Variants in DSTYK observed in about 807,000 individuals in gnomAD.
DSTYK encodes the protein RIP-homologous kinase.
Under a neutral mutation model 98.7 loss-of-function variants are expected in DSTYK, and 34 were observed. The ratio of observed to expected loss-of-function variants is 0.34; its 90% CI spans 0.26 to 0.46. DSTYK has a LOEUF of 0.46. Ranked by LOEUF, DSTYK falls within the 20% of genes least tolerant of loss-of-function variation. The probability of loss-of-function intolerance (pLI) is 1.00; values close to 1 mark genes in which losing one functional copy is unlikely to be tolerated. For missense variants in DSTYK, 962 were observed against 1,181.7 expected, an observed-to-expected ratio of 0.81 and a Z score of 2.73; for synonymous variants, 462 against 457.3, an observed-to-expected ratio of 1.01 and a Z score of -0.13.
At chr1:205,203,436 C>CATGCCACTGCACT in intron 1 of DSTYK, among the ~76,000 whole-genome samples, 1 of 143,720 alleles carries the variant, frequency 7.0e-6, no homozygotes, top group East Asian at 2.1e-4. Flanking sequence ...GAGCCAAGAT[C>CATGCCACTGCACT]CAGCCTGGGC....
intron 2 of DSTYK, among the ~76,000 whole-genome samples, chr1:205,186,768 T>A (rs561231610): frequency 6.6e-6 from 1 of 152,324 alleles, no homozygotes; most frequent in East Asian, 1.9e-4. Context: ...CAATATGATA[T>A]CTTACGAGAT....
At chr1:205,154,965 A>G (rs967106178) in intron 10 of DSTYK, among the ~76,000 whole-genome samples, 4 of 127,856 alleles carry the variant, frequency 3.1e-5, no homozygotes, top group African/African-American at 1.0e-4. Context: ...TATCTGGTGG[A>G]AGAAATTTAT....
intron 1 of DSTYK, among the ~76,000 whole-genome samples, chr1:205,190,282 T>C (rs1178164197): frequency 6.6e-6 from 1 of 151,928 alleles, no homozygotes; most frequent in Non-Finnish European, 1.5e-5. Flanking sequence ...TGATGAATAG[T>C]TTAAGAGCAA....
rs117133558 is a variant in DSTYK, at chr1:205,154,417, C to G, written c.2352+2856G>C. ...TGGGAGGTAAGGGGTTTTTCCCCCC[C>G]TTTTGATCGGCACTTCTCCTTGCTG... On this transcript the variant is annotated intron_variant, in intron 10 of 12. Coordinates refer to ENST00000367162, the MANE Select transcript of DSTYK (RefSeq NM_015375.3). 8.7e-4 allele frequency among the ~76,000 whole-genome samples: 132 copies of G among 152,258 alleles called. 2 individuals are homozygous for G. The East Asian group carries it at 0.017, about 19-fold the overall frequency.
Position 205,169,734 on chromosome 1 carries a change from T to G in DSTYK, c.753A>C (p.Ala251=). The part of the protein sequence containing the change: ...VNDFLPVITY[A]LHKDELSERD... The stretch of plus-strand genomic sequence containing the variant: ...TCTCAGAGAGTTCATCTTTGTGGAG[T>G]GCATAGGTTATCACAGGCAAGAAAT... Residue 251 remains alanine, a synonymous_variant, in exon 3 of 13, where the codon GCA becomes GCC. Coordinates refer to ENST00000367162, the MANE Select transcript of DSTYK (RefSeq NM_015375.3). The surrounding 1 kb of genome is among the most constrained non-coding windows in gnomAD (Gnocchi z 4.0). The G allele has an allele frequency of 6.2e-7, 1 of 1,614,122 alleles. No individual in the cohort carries two copies. Among genetic ancestry groups the G allele is most frequent in the African/African-American group, 1.3e-5 (1 of 75,016 alleles).
chr1:205,149,372 A>G (rs1275799800), intron 11 of DSTYK, among the ~76,000 whole-genome samples: 2 of 152,232 alleles, frequency 1.3e-5, no homozygotes, highest in East Asian at 3.9e-4. Context: ...ATTTAAATAT[A>G]TTGCTAATTT....
chr1:205,181,443 C>T (rs749348110), intron 2 of DSTYK, among the ~76,000 whole-genome samples: 1 of 152,150 alleles, frequency 6.6e-6, no homozygotes, highest in Non-Finnish European at 1.5e-5. Context: ...CAACCTCTGC[C>T]TCCCTGGTTC....
intron 1 of DSTYK, among the ~76,000 whole-genome samples, chr1:205,191,912 T>C (rs749754337): frequency 1.3e-5 from 2 of 152,196 alleles, no homozygotes; most frequent in East Asian, 1.9e-4. Context: ...GGTAACAGCA[T>C]GGCTTCTCAG....
At chr1:205,202,799 A>G (rs1195519687) in intron 1 of DSTYK, 1 of 567,716 alleles carries the variant, frequency 1.8e-6, no homozygotes, top group Admixed American at 2.8e-5. Flanking sequence ...GAAAGAAAAG[A>G]AAGTAAATAA....
At chr1:205,194,031 T>C (rs1658790646) in intron 1 of DSTYK, among the ~76,000 whole-genome samples, 1 of 152,200 alleles carries the variant, frequency 6.6e-6, no homozygotes, top group Non-Finnish European at 1.5e-5. Context: ...AGCCCAAGAA[T>C]AACCTGAGCA....
rs910564597 is a variant in DSTYK at position 205,148,344 on chromosome 1, T to C, written c.2468-5A>G. The C allele has an allele frequency of 1.2e-6, 2 of 1,613,464 alleles. No homozygotes were observed. The highest frequency in any genetic ancestry group is 3.3e-5 in the Admixed American group (2 of 60,024). On this transcript the variant is annotated splice_region_variant and splice_polypyrimidine_tract_variant and intron_variant, in intron 11 of 12. Coordinates refer to ENST00000367162, the MANE Select transcript of DSTYK (RefSeq NM_015375.3). ...CCACGGAATTATCGTACTTCCCTGA[T>C]GGCAAGAAAGGATGAAACGTAATGA...
chr1:205,203,547 AGGGG>A (rs1659108625), intron 1 of DSTYK, among the ~76,000 whole-genome samples: 1 of 1,980 alleles, frequency 5.1e-4, no homozygotes, highest in African/African-American at 1.2e-3. Flanking sequence ...ACGGTAGGGA[AGGGG>A]AGGGGAGGGG....
chr1:205,153,490 T>C (rs1657460664), intron 10 of DSTYK, among the ~76,000 whole-genome samples: 1 of 152,170 alleles, frequency 6.6e-6, no homozygotes, highest in Admixed American at 6.5e-5. Flanking sequence ...ATTTCCTGGA[T>C]TGGATCCTGT....
At position 205,142,835 on chromosome 1, in the gene DSTYK, G is replaced by T. The variant is rs1657112830; in HGVS notation, c.*4723C>A. The stretch of plus-strand genomic sequence containing the variant: ...ATAAACATTAGTCCTTTAAAACAAA[G>T]AAAAAACATTACATGAAGACAAAAG... On this transcript the variant is annotated 3_prime_UTR_variant, in exon 13 of 13. Transcript: ENST00000367162. The T allele has an allele frequency of 6.6e-6, 1 of 152,116 alleles. No homozygotes were observed. The highest frequency in any genetic ancestry group is 1.5e-5 in the Non-Finnish European group (1 of 68,008). 9.4% of individuals were successfully genotyped at this position (152,116 alleles called of 1,614,324 possible). A position where few individuals can be genotyped will look rare whatever the true frequency, so the allele number is the denominator to read the frequency against.
intron 10 of DSTYK, among the ~76,000 whole-genome samples, chr1:205,154,634 G>A (rs1182418012): frequency 2.0e-5 from 3 of 152,164 alleles, no homozygotes; most frequent in Non-Finnish European, 4.4e-5. Flanking sequence ...AGAGTAGGCT[G>A]CTGCTGTAAG....
intron 1 of DSTYK, among the ~76,000 whole-genome samples, chr1:205,193,180 A>T (rs1658761505): frequency 6.6e-6 from 1 of 152,200 alleles, no homozygotes. Flanking sequence ...CTCTTTTCAG[A>T]GAAATTCTTA....
Position 205,211,571 on chromosome 1 carries a change from C to T in DSTYK, c.-36G>A, listed in dbSNP as rs535352986. Reference sequence around the variant, plus strand: ...CGCTCTGTCTTTGCGGCTCGGTCCCCGGCCGCAGGCCCGGCCTCCCTCCTC... The same window carrying T: ...CGCTCTGTCTTTGCGGCTCGGTCCCTGGCCGCAGGCCCGGCCTCCCTCCTC... On this transcript the variant is annotated 5_prime_UTR_variant, in exon 1 of 13. Transcript: ENST00000367162. 3 of 1,420,846 alleles carry T rather than the reference C, an allele frequency of 2.1e-6. No homozygotes were observed. The highest frequency in any genetic ancestry group is 2.8e-5 in the East Asian group (1 of 35,246). The allele number at this position is 1,420,846 out of a possible 1,614,324, so 88.0% of individuals were successfully genotyped here.
Position 205,169,224 on chromosome 1 carries a change from A to G in DSTYK, c.1263T>C (p.Val421=). 6.2e-7 allele frequency: 1 copy of G among 1,613,780 alleles called. No individual in the cohort carries two copies. The highest frequency in any genetic ancestry group is 1.1e-5 in the South Asian group (1 of 91,012). The change falls in exon 3 of 13, where the codon GTT becomes GTC. Residue 421 remains valine (V), a synonymous_variant. Coordinates refer to ENST00000367162, the MANE Select transcript of DSTYK (RefSeq NM_015375.3). This position sits in a 1 kb window ranked among gnomAD's most constrained non-coding sequence, Gnocchi z 4.0. ...CCTCCTTCATGGTATTAAGTGTCTC[A>G]ACAATCATATCCTTCATTTCCTCCT... ...RKQEEMKDMI[V]ETLNTMKEEL...
Position 205,169,808 on chromosome 1 carries a change from A to C in DSTYK, c.679T>G (p.Cys227Gly). Residue 227 changes from cysteine to glycine, a missense_variant, in exon 3 of 13, where the codon TGC becomes GGC. By Grantham distance (159) the Cys-to-Gly change is radical. Around this residue, in one of 4 missense-constraint regions of DSTYK, gnomAD observed 660 missense variants for 855.0 expected, o/e 0.77. Transcript: ENST00000367162. This position sits in a 1 kb window ranked among gnomAD's most constrained non-coding sequence, Gnocchi z 4.0. ...TCCACTGTGGGCCGGAGGCCTTGGC[A>C]TGGTGCTACCACAACGTCCACTTCC... ...LQEVDVVVAP[C>G]QGLRPTVDVL... 1.5e-5 allele frequency: 24 copies of C among 1,613,588 alleles called. No homozygotes were observed. Among genetic ancestry groups the C allele is most frequent in the Non-Finnish European group, 2.0e-5 (24 of 1,179,748 alleles).
Sources: allele counts gnomAD v4.1 joint callset (sites outside exome capture counted in the v4.1 genomes callset), GRCh38; gene constraint gnomAD v4.1.1; regional missense constraint gnomAD v4.1.1; non-coding constraint Gnocchi (gnomAD v3.1); transcripts MANE v1.5; gene names NCBI Gene and HGNC (gene_info 2026-07-23, HGNC 2026-07-21).